SLC25A21: variants seen among roughly 807,000 people sequenced by gnomAD.
The protein encoded by SLC25A21 is mitochondrial 2-oxodicarboxylate carrier.
A neutral mutation model predicts 43.8 loss-of-function variants in SLC25A21; 47 were observed. That is an observed-to-expected ratio of 1.07 (90% CI 0.85 to 1.37). The LOEUF (loss-of-function observed/expected upper bound fraction) is 1.37. Among genes scored for constraint, SLC25A21 ranks in the 40% most tolerant of loss-of-function variants. SLC25A21 has a pLI of 0.00. For missense variants in SLC25A21, 352 were observed against 350.2 expected, an observed-to-expected ratio of 1.00 and a Z score of -0.04; for synonymous variants, 131 against 121.3, an observed-to-expected ratio of 1.08 and a Z score of -0.52.
chr14:36,722,786 T>C (rs1193291060), intron 6 of SLC25A21, among the ~76,000 whole-genome samples: 2 of 152,218 alleles, frequency 1.3e-5, no homozygotes, highest in African/African-American at 4.8e-5. Flanking sequence ...AATACATATA[T>C]ATTTTGGTGC....
intron 1 of SLC25A21, among the ~76,000 whole-genome samples, chr14:36,935,659 C>T (rs8015869): frequency 0.6 from 90,374 of 151,676 alleles, 27,987 homozygotes; most frequent in Non-Finnish European, 0.66. Flanking sequence ...CTACAGCGTA[C>T]TGAAGCAGAA....
At chr14:36,700,039 G>C (rs549216835) in intron 7 of SLC25A21, among the ~76,000 whole-genome samples, 2 of 152,236 alleles carry the variant, frequency 1.3e-5, no homozygotes, top group Non-Finnish European at 2.9e-5. Flanking sequence ...TGATCACAAT[G>C]GGAGTGCAGA....
At chr14:36,782,664 T>C (rs956330571) in intron 3 of SLC25A21, among the ~76,000 whole-genome samples, 5 of 152,308 alleles carry the variant, frequency 3.3e-5, no homozygotes, top group East Asian at 1.9e-4. Context: ...TGTTACTTCA[T>C]GTTAGGGGGA....
intron 9 of SLC25A21, 108 bp from the exon 10 acceptor site, chr14:36,680,827 C>G (rs1882212304): frequency 1.1e-6 from 1 of 915,088 alleles, no homozygotes. Context: ...CAGGCAGAGG[C>G]TGTTCGGAAT....
At chr14:36,934,464 G>A (rs1892368359) in intron 1 of SLC25A21, among the ~76,000 whole-genome samples, 2 of 87,070 alleles carry the variant, frequency 2.3e-5, no homozygotes, top group Non-Finnish European at 2.5e-5. Flanking sequence ...GTTTTATCTT[G>A]GGAGTAAAAA....
At chr14:37,000,607 C>A (rs1960467105) in intron 1 of SLC25A21, among the ~76,000 whole-genome samples, 1 of 152,126 alleles carries the variant, frequency 6.6e-6, no homozygotes, top group South Asian at 2.1e-4. Flanking sequence ...GCCATCCAAT[C>A]TGAGAGATCT....
intron 1 of SLC25A21, among the ~76,000 whole-genome samples, chr14:37,027,742 C>G (rs188323993): frequency 6.6e-6 from 1 of 152,264 alleles, no homozygotes; most frequent in East Asian, 1.9e-4. Context: ...AAAATGAAAA[C>G]AGCTGTTTGG....
At chr14:36,995,292 G>T (rs1305762103) in intron 1 of SLC25A21, among the ~76,000 whole-genome samples, 1 of 152,108 alleles carries the variant, frequency 6.6e-6, no homozygotes, top group East Asian at 1.9e-4. Flanking sequence ...ATTCATTTGT[G>T]AATCATTTTT....
chr14:36,844,438 C>T (rs1220683005), intron 2 of SLC25A21, among the ~76,000 whole-genome samples: 5 of 152,146 alleles, frequency 3.3e-5, no homozygotes, highest in Non-Finnish European at 5.9e-5. Flanking sequence ...AGGGGAGAAT[C>T]CAGCAAACCA....
At chr14:37,170,822 C>T (rs1445793363) in intron 1 of SLC25A21, among the ~76,000 whole-genome samples, 2 of 151,656 alleles carry the variant, frequency 1.3e-5, no homozygotes, top group South Asian at 2.1e-4. Flanking sequence ...TGGTGGTGGG[C>T]TCCTGTAGTC....
At chr14:37,032,505 C>T (rs909502236) in intron 1 of SLC25A21, among the ~76,000 whole-genome samples, 4 of 152,034 alleles carry the variant, frequency 2.6e-5, no homozygotes, top group East Asian at 1.9e-4. Flanking sequence ...CACTGCACTC[C>T]AGCCTGGGCT....
At chr14:37,159,864 C>A (rs1487479346) in intron 1 of SLC25A21, among the ~76,000 whole-genome samples, 1 of 152,054 alleles carries the variant, frequency 6.6e-6, no homozygotes, top group Non-Finnish European at 1.5e-5. Flanking sequence ...GAAACTCAAA[C>A]AACTCAAAAG....
intron 1 of SLC25A21, among the ~76,000 whole-genome samples, chr14:37,080,874 G>A (rs1393620377): frequency 2.0e-5 from 3 of 152,090 alleles, no homozygotes; most frequent in Non-Finnish European, 2.9e-5. Flanking sequence ...ATAACAGGAC[G>A]GTGGCAGGGT....
At chr14:36,871,865 T>C (rs967978691) in intron 2 of SLC25A21, among the ~76,000 whole-genome samples, 3 of 152,166 alleles carry the variant, frequency 2.0e-5, no homozygotes, top group African/African-American at 7.2e-5. Flanking sequence ...AAAAATTTAG[T>C]ATAGAAAACT....
At chr14:36,705,889 G>A (rs1015830061) in intron 7 of SLC25A21, among the ~76,000 whole-genome samples, 5 of 152,132 alleles carry the variant, frequency 3.3e-5, no homozygotes, top group Non-Finnish European at 5.9e-5. Flanking sequence ...ACAGCCTACA[G>A]CAAAGACGAA....
intron 1 of SLC25A21, among the ~76,000 whole-genome samples, chr14:36,893,104 G>C (rs1194497706): frequency 6.6e-6 from 1 of 152,162 alleles, no homozygotes; most frequent in Non-Finnish European, 1.5e-5. Context: ...TCTAGTTCCA[G>C]ATCCCTGAGG....
intron 3 of SLC25A21, among the ~76,000 whole-genome samples, chr14:36,774,318 T>C (rs540022287): frequency 6.6e-6 from 1 of 152,316 alleles, no homozygotes; most frequent in South Asian, 2.1e-4. Flanking sequence ...GTGCTCTTGG[T>C]TTCTTTGATT....
At chr14:37,116,248 T>C (rs750269250) in intron 1 of SLC25A21, among the ~76,000 whole-genome samples, 1 of 152,218 alleles carries the variant, frequency 6.6e-6, no homozygotes, top group South Asian at 2.1e-4. Context: ...CAAGATGAGC[T>C]TGGTACCACA....
chr14:36,768,088 T>C (rs1361737798), intron 3 of SLC25A21, among the ~76,000 whole-genome samples: 4 of 152,214 alleles, frequency 2.6e-5, no homozygotes, highest in African/African-American at 9.6e-5. Flanking sequence ...GCATTCCAAT[T>C]GGCTCTTCAC....
Sources: gnomAD v4.1 joint callset for allele counts (sites outside exome capture counted in the v4.1 genomes callset) on GRCh38, gnomAD v4.1.1 for gene constraint, MANE v1.5 for transcripts, NCBI Gene and HGNC (gene_info 2026-07-23, HGNC 2026-07-21) for gene names.